Variants in HIPK3 observed in about 807,000 individuals in gnomAD.
The protein encoded by HIPK3 is homeodomain-interacting protein kinase 3.
HIPK3 carries 47 observed loss-of-function variants against 124.2 expected under a neutral mutation model. That is an observed-to-expected ratio of 0.38 (90% CI 0.30 to 0.48). The LOEUF (loss-of-function observed/expected upper bound fraction) is 0.48, where lower values mean the gene tolerates loss of function less well. HIPK3 is among the 20% of genes least tolerant of loss of function. The probability of loss-of-function intolerance (pLI) is 0.98; values close to 1 mark genes in which losing one functional copy is unlikely to be tolerated. For synonymous variants in HIPK3, 482 were observed against 515.2 expected (o/e 0.94, Z 0.87); for missense variants, 1,286 against 1,454.3 (o/e 0.88, Z 1.88).
In HIPK3 at chr11:33,349,133, T is replaced by TC; in HGVS notation, c.2667-14_2667-13insC. The TC allele has an allele frequency of 3.7e-6, 6 of 1,607,758 alleles. No homozygotes were observed. Among genetic ancestry groups the TC allele is most frequent in the Non-Finnish European group, 5.1e-6 (6 of 1,177,260 alleles). ...TGTATTTGACTCATGTTTTTCCCTT[T>TC]TCTCTTCCACTAGATGTAAAGGTAG... On this transcript the variant is annotated splice_polypyrimidine_tract_variant and intron_variant, in intron 13 of 16. Transcript: ENST00000303296.
intron 1 of HIPK3, among the ~76,000 whole-genome samples, chr11:33,276,994 C>T (rs1851290722): frequency 6.6e-6 from 1 of 152,112 alleles, no homozygotes; most frequent in African/African-American, 2.4e-5. Flanking sequence ...TGTGAATCAC[C>T]ATGCCAGGGC....
chr11:33,330,343 T>A (rs1447103763), intron 3 of HIPK3, among the ~76,000 whole-genome samples: 7 of 152,206 alleles, frequency 4.6e-5, no homozygotes, highest in Admixed American at 4.6e-4. Flanking sequence ...TTCTTTTTTC[T>A]TTTGAGATGA....
intron 2 of HIPK3, among the ~76,000 whole-genome samples, chr11:33,306,458 T>G (rs1489331045): frequency 7.1e-6 from 1 of 139,924 alleles, no homozygotes. Flanking sequence ...TTACTTGCTC[T>G]AAATTGCTTT....
intron 1 of HIPK3, among the ~76,000 whole-genome samples, chr11:33,275,262 A>C (rs1302381217): frequency 6.6e-6 from 1 of 151,092 alleles, no homozygotes; most frequent in Non-Finnish European, 1.5e-5. Flanking sequence ...TGGGTCTTGA[A>C]CTCCTGACCT....
intron 2 of HIPK3, among the ~76,000 whole-genome samples, chr11:33,296,764 C>T (rs1851852528): frequency 6.6e-6 from 1 of 152,190 alleles, no homozygotes; most frequent in African/African-American, 2.4e-5. Flanking sequence ...ACCAGCTGAT[C>T]CTTGGTCTCT....
At chr11:33,269,474 C>T (rs931961262) in intron 1 of HIPK3, among the ~76,000 whole-genome samples, 4 of 151,524 alleles carry the variant, frequency 2.6e-5, no homozygotes, top group African/African-American at 9.7e-5. Flanking sequence ...TGTTTTTTTT[C>T]CTGCTTTTTT....
intron 1 of HIPK3, among the ~76,000 whole-genome samples, chr11:33,264,497 G>A (rs571306091): frequency 1.3e-5 from 2 of 152,088 alleles, no homozygotes; most frequent in Admixed American, 1.3e-4. Flanking sequence ...GATTTGATAG[G>A]CATTGAAATC....
intron 2 of HIPK3, among the ~76,000 whole-genome samples, chr11:33,311,987 C>T (rs1285030621): frequency 6.7e-6 from 1 of 148,536 alleles, no homozygotes; most frequent in East Asian, 2.0e-4. Flanking sequence ...CACACACACA[C>T]ACACACACAC....
At chr11:33,269,082 A>G (rs1851052281) in intron 1 of HIPK3, among the ~76,000 whole-genome samples, 2 of 152,242 alleles carry the variant, frequency 1.3e-5, no homozygotes, top group South Asian at 4.1e-4. Flanking sequence ...AGTCAAATAC[A>G]GACATATGAT....
chr11:33,278,417 A>G (rs1851325980), intron 1 of HIPK3, among the ~76,000 whole-genome samples: 1 of 152,134 alleles, frequency 6.6e-6, no homozygotes, highest in Non-Finnish European at 1.5e-5. Context: ...CTCATATCTC[A>G]GGGTTTGATT....
chr11:33,318,357 C>CA (rs1455569003), intron 2 of HIPK3, among the ~76,000 whole-genome samples: 1 of 152,040 alleles, frequency 6.6e-6, no homozygotes. Context: ...GTGAGTGAGC[C>CA]ACAGTGACTG....
intron 4 of HIPK3, 53 bp downstream of exon 4, chr11:33,337,247 A>G (rs1362076205): frequency 3.7e-6 from 4 of 1,071,726 alleles, no homozygotes; most frequent in Non-Finnish European, 5.4e-6. Context: ...AAGATGCCTC[A>G]TATGCATGGA....
At chr11:33,338,869 A>C (rs751819903) in intron 5 of HIPK3, 26 bp downstream of exon 5, 2 of 1,513,028 alleles carry the variant, frequency 1.3e-6, no homozygotes, top group South Asian at 2.3e-5. Context: ...ACATTTGTTC[A>C]TCTTACATGC....
chr11:33,353,241 T>G lies in HIPK3; in HGVS notation c.3321T>G (p.Ala1107=). 6.2e-7 allele frequency: 1 copy of G among 1,614,164 alleles called. No homozygotes were observed. The highest frequency in any genetic ancestry group is 8.5e-7 in the Non-Finnish European group (1 of 1,180,034). ...PNHTAVHAHL[A]GNTHLGGQPT... ...ACACAGCAGTGCATGCCCACCTGGCTGGAAATACACACCTCGGAGGACAGC... is the reference window on the plus strand; with the variant it reads ...ACACAGCAGTGCATGCCCACCTGGCGGGAAATACACACCTCGGAGGACAGC... Residue 1107 remains alanine, a synonymous_variant, in exon 17 of 17, where the codon GCT becomes GCG. Coordinates refer to ENST00000303296, the MANE Select transcript of HIPK3 (RefSeq NM_005734.5).
intron 14 of HIPK3, among the ~76,000 whole-genome samples, chr11:33,350,910 C>G (rs1853638971): frequency 1.3e-5 from 2 of 151,804 alleles, no homozygotes; most frequent in Admixed American, 6.6e-5. Context: ...ACTATACATT[C>G]ACATGTAAAA....
chr11:33,274,059 T>C (rs1851209004), intron 1 of HIPK3, among the ~76,000 whole-genome samples: 1 of 152,210 alleles, frequency 6.6e-6, no homozygotes. Context: ...AACCATACTT[T>C]TGAAAAGTTT....
intron 1 of HIPK3, among the ~76,000 whole-genome samples, chr11:33,267,408 C>T (rs574764206): frequency 9.9e-5 from 15 of 152,026 alleles, no homozygotes; most frequent in East Asian, 3.9e-4. Context: ...CCACTGTGCC[C>T]GGCGCACATT....
At position 33,354,402 on chromosome 11, in the gene HIPK3, A is replaced by G. The variant is rs958764866; in HGVS notation, c.*834A>G. The G allele has an allele frequency of 6.6e-6, 1 of 152,658 alleles. No homozygotes were observed. Among genetic ancestry groups the G allele is most frequent in the Non-Finnish European group, 1.5e-5 (1 of 68,046 alleles). The allele number at this position is 152,658 out of a possible 1,614,324, so 9.5% of individuals were successfully genotyped here. A position where few individuals can be genotyped will look rare whatever the true frequency, so the allele number is the denominator to read the frequency against. On this transcript the variant is annotated 3_prime_UTR_variant, in exon 17 of 17. Coordinates refer to ENST00000303296, the MANE Select transcript of HIPK3 (RefSeq NM_005734.5). ...AAAATTGATTCAGTATCTAATGGAT[A>G]GTTGATAACTGTCACAGCACAGCAT...
upstream of HIPK3, among the ~76,000 whole-genome samples, chr11:33,256,988 G>A (rs1850680874): frequency 6.6e-6 from 1 of 152,194 alleles, no homozygotes; most frequent in Admixed American, 6.5e-5. Flanking sequence ...ACGGTTCCGG[G>A]ATCTCGAAAG....
Sources: allele counts gnomAD v4.1 joint callset (sites outside exome capture counted in the v4.1 genomes callset), GRCh38; gene constraint gnomAD v4.1.1; transcripts MANE v1.5; gene names NCBI Gene and HGNC (gene_info 2026-07-23, HGNC 2026-07-21).